The following INTS4 variants were observed in gnomAD, a reference collection of about 807,000 sequenced individuals.
INTS4 encodes the protein integrator complex subunit 4, also known as MSTP093.
In INTS4, 70 loss-of-function variants were observed where a neutral mutation model predicts 119.5. That is an observed-to-expected ratio of 0.59 (90% CI 0.48 to 0.71). The LOEUF is 0.71. Among genes scored for constraint, INTS4 ranks in the 30% least tolerant of loss-of-function variants. The pLI is 0.00. For missense variants in INTS4, 867 were observed against 1,173.2 expected, an observed-to-expected ratio of 0.74 and a Z score of 3.81; for synonymous variants, 316 against 419.6, an observed-to-expected ratio of 0.75 and a Z score of 3.02.
chr11:77,903,299 G>A (rs1029114699), intron 17 of INTS4, among the ~76,000 whole-genome samples: 23 of 152,258 alleles, frequency 1.5e-4, no homozygotes, highest in African/African-American at 4.6e-4. Flanking sequence ...CTCTGGCTCC[G>A]CCTTGGACCA....
rs1952780783 is a variant in INTS4, at chr11:77,901,627, A to C, written c.2098-76T>G. 2.7e-6 allele frequency: 3 copies of C among 1,114,642 alleles called. No individual in the cohort carries two copies. The Admixed American group carries it at 5.8e-5, about 22-fold the overall frequency. 69.0% of individuals were successfully genotyped at this position (1,114,642 alleles called of 1,614,324 possible). On this transcript the variant is annotated intron_variant, in intron 17 of 22. Transcript: ENST00000534064. ...GAGAGCAGCATAGAATTCTACTGTT[A>C]AATGACCTTAGGTGAAACTCTTAAC...
rs115970787 is a variant in INTS4 at position 77,968,825 on chromosome 11, A to G, written c.472-7687T>C. ...CCAAGAGAACTGAAAACATATATAT[A>G]TATAAAGCAAAAAACTTGTAAGTGA... On this transcript the variant is annotated intron_variant, in intron 4 of 22. Coordinates refer to ENST00000534064, the MANE Select transcript of INTS4 (RefSeq NM_033547.4). 2.4e-3 allele frequency among the ~76,000 whole-genome samples: 369 copies of G among 152,332 alleles called. 4 individuals are homozygous for G. Among genetic ancestry groups the G allele is most frequent in the African/African-American group, 8.5e-3 (354 of 41,578 alleles).
chr11:77,962,227 G>A (rs968066105), intron 4 of INTS4, among the ~76,000 whole-genome samples: 2 of 152,178 alleles, frequency 1.3e-5, no homozygotes, highest in Non-Finnish European at 2.9e-5. Flanking sequence ...AGGCTGCAGT[G>A]AGCCATGATC....
chr11:77,877,230 A>G (rs1245443745), downstream of INTS4, among the ~76,000 whole-genome samples: 1 of 148,092 alleles, frequency 6.8e-6, no homozygotes, highest in Non-Finnish European at 1.5e-5. Context: ...CTTGTTTATA[A>G]AATGAAGATA....
intron 4 of INTS4, among the ~76,000 whole-genome samples, chr11:77,974,654 G>A (rs1005969901): frequency 6.7e-5 from 10 of 148,956 alleles, no homozygotes; most frequent in Non-Finnish European, 1.3e-4. Flanking sequence ...CCACGCTAGA[G>A]TGCAGTGGCA....
At chr11:77,978,082 G>C (rs1054313399) in intron 4 of INTS4, 4 of 152,070 alleles carry the variant, frequency 2.6e-5, no homozygotes, top group Non-Finnish European at 4.4e-5. Flanking sequence ...AGTAGAGATG[G>C]GGTTTCACCA....
chr11:77,976,765 T>C (rs1191102978), intron 4 of INTS4, among the ~76,000 whole-genome samples: 4 of 152,226 alleles, frequency 2.6e-5, no homozygotes, highest in Non-Finnish European at 4.4e-5. Flanking sequence ...GATGAGTTCA[T>C]GTCCTTTGTA....
At chr11:77,902,685 AAC>A (rs1403126819) in intron 17 of INTS4, among the ~76,000 whole-genome samples, 1 of 152,204 alleles carries the variant, frequency 6.6e-6, no homozygotes, top group Non-Finnish European at 1.5e-5. Flanking sequence ...ATGTAACAAT[AAC>A]AGTCACCATC....
intron 2 of INTS4, among the ~76,000 whole-genome samples, chr11:77,985,109 C>G (rs1856405128): frequency 6.6e-6 from 1 of 152,164 alleles, no homozygotes; most frequent in African/African-American, 2.4e-5. Flanking sequence ...ATAATTGTTT[C>G]TTCTGACCAT....
At chr11:77,888,849 G>T (rs1053243512) in intron 21 of INTS4, among the ~76,000 whole-genome samples, 6 of 152,198 alleles carry the variant, frequency 3.9e-5, no homozygotes, top group African/African-American at 1.4e-4. Flanking sequence ...GGCCATCAGA[G>T]AAATGCAAAT....
intron 3 of INTS4, among the ~76,000 whole-genome samples, chr11:77,979,929 G>A (rs1393909013): frequency 1.5e-5 from 2 of 135,106 alleles, no homozygotes; most frequent in Non-Finnish European, 3.1e-5. Context: ...AGTGAGCCGA[G>A]ATCGCTCCAC....
chr11:77,966,610 T>C (rs931424340), intron 4 of INTS4, among the ~76,000 whole-genome samples: 3 of 152,202 alleles, frequency 2.0e-5, no homozygotes, highest in African/African-American at 7.2e-5. Flanking sequence ...CATAAATGCA[T>C]GGGTTTGTTT....
At chr11:77,932,795 G>A (rs1360820008) in intron 10 of INTS4, among the ~76,000 whole-genome samples, 2 of 152,152 alleles carry the variant, frequency 1.3e-5, no homozygotes, top group South Asian at 2.1e-4. Context: ...ATGAGTTCAT[G>A]TTCTTTGCAG....
intron 8 of INTS4, among the ~76,000 whole-genome samples, chr11:77,951,120 T>C (rs1217351734): frequency 6.6e-6 from 1 of 152,150 alleles, no homozygotes; most frequent in Non-Finnish European, 1.5e-5. Context: ...ATCCAGTCTG[T>C]CATTGTTGGA....
chr11:77,936,269 T>C (rs1438159917), intron 10 of INTS4, among the ~76,000 whole-genome samples: 2 of 152,150 alleles, frequency 1.3e-5, no homozygotes, highest in East Asian at 1.9e-4. Context: ...ACAGAAATAA[T>C]AGTCCTAGTA....
At chr11:77,932,872 AC>A (rs1464696060) in intron 10 of INTS4, among the ~76,000 whole-genome samples, 1 of 148,760 alleles carries the variant, frequency 6.7e-6, no homozygotes, top group Non-Finnish European at 1.5e-5. Flanking sequence ...ACCAAACACC[AC>A]ATGTTCTCAC....
At chr11:77,914,045 G>C (rs1349727107) in intron 15 of INTS4, among the ~76,000 whole-genome samples, 1 of 152,212 alleles carries the variant, frequency 6.6e-6, no homozygotes, top group Admixed American at 6.5e-5. Context: ...CTCAAATCCT[G>C]CTTCTGCCTC....
intron 4 of INTS4, among the ~76,000 whole-genome samples, chr11:77,970,961 CCAT>C (rs1403540553): frequency 2.6e-5 from 4 of 152,156 alleles, no homozygotes; most frequent in Non-Finnish European, 4.4e-5. Flanking sequence ...GCGCCCACCA[CCAT>C]GCCTGGCTAG....
chr11:77,979,747 A>C (rs1565288501), intron 3 of INTS4, among the ~76,000 whole-genome samples: 3 of 151,596 alleles, frequency 2.0e-5, no homozygotes, highest in Non-Finnish European at 4.4e-5. Flanking sequence ...TGGGAGGCTG[A>C]GGCGGGCAGA....
Sources: gnomAD v4.1 joint callset for allele counts (sites outside exome capture counted in the v4.1 genomes callset) on GRCh38, gnomAD v4.1.1 for gene constraint, MANE v1.5 for transcripts, NCBI Gene and HGNC (gene_info 2026-07-23, HGNC 2026-07-21) for gene names.